The following COL4A1 variants were observed in gnomAD, a reference collection of about 807,000 sequenced individuals.
COL4A1 encodes collagen type IV alpha 1 chain, also known as collagen alpha-1(IV) chain.
A neutral mutation model predicts 216.6 loss-of-function variants in COL4A1; 40 were observed. The observed-to-expected ratio is 0.18, with a 90% CI of 0.14 to 0.24. COL4A1 has a LOEUF of 0.24. Ranked by LOEUF, COL4A1 falls within the 10% of genes least tolerant of loss-of-function variation. The pLI, the probability that COL4A1 is intolerant of heterozygous loss-of-function variation, is 1.00. For synonymous variants in COL4A1, 839 were observed against 810.7 expected (o/e 1.03, Z -0.59); for missense variants, 1,628 against 2,196.8 (o/e 0.74, Z 5.18).
intron 51 of COL4A1, 48 bp from the exon 52 acceptor site, chr13:110,150,492 G>T (rs746000933): frequency 6.4e-7 from 1 of 1,574,344 alleles, no homozygotes. Context: ...CTCACAGCAC[G>T]TCAGAAACAT....
intron 51 of COL4A1, among the ~76,000 whole-genome samples, chr13:110,151,021 G>A (rs897342249): frequency 3.3e-5 from 5 of 152,150 alleles, no homozygotes; most frequent in Non-Finnish European, 7.4e-5. Flanking sequence ...GACATTCAAT[G>A]TCCCAAGTGT....
intron 2 of COL4A1, among the ~76,000 whole-genome samples, chr13:110,236,430 T>C (rs1190181948): frequency 6.6e-6 from 1 of 152,152 alleles, no homozygotes; most frequent in African/African-American, 2.4e-5. Flanking sequence ...AAGTAACAAC[T>C]GAAAAACATG....
intron 22 of COL4A1, 67 bp downstream of exon 22, chr13:110,194,956 T>G: frequency 1.4e-6 from 2 of 1,426,194 alleles, no homozygotes; most frequent in South Asian, 2.3e-5. Context: ...CCAAAGCCGG[T>G]AAGTATGTGG....
intron 15 of COL4A1, among the ~76,000 whole-genome samples, 156 bp downstream of exon 15, chr13:110,206,509 T>A (rs999222346): frequency 6.6e-6 from 1 of 152,232 alleles, no homozygotes; most frequent in African/African-American, 2.4e-5. Flanking sequence ...GCAACTGATA[T>A]AGCTCAGGAG....
intron 1 of COL4A1, among the ~76,000 whole-genome samples, chr13:110,290,908 T>C (rs1594120953): frequency 6.6e-6 from 1 of 152,100 alleles, no homozygotes. Context: ...CAGTGGCCAG[T>C]GAAACTCGGC....
intron 44 of COL4A1, among the ~76,000 whole-genome samples, chr13:110,166,542 C>A (rs533046567): frequency 6.6e-6 from 1 of 152,288 alleles, no homozygotes; most frequent in Admixed American, 6.5e-5. Context: ...CACATATATG[C>A]ACACATAGAC....
rs1435301153 is a variant in COL4A1 at position 110,153,873 on chromosome 13, C to T, written c.4756-1367G>A. Among the ~76,000 whole-genome samples, 4 of 152,238 alleles carry T rather than the reference C, an allele frequency of 2.6e-5. No individual in the cohort carries two copies. The South Asian group carries it at 8.3e-4, about 32-fold the overall frequency. The stretch of plus-strand genomic sequence containing the variant: ...AGAAAAAACCAGTAGAAGGAAATGG[C>T]AATGGTGGGCGCCTCGCACACAGCA... On this transcript the variant is annotated intron_variant, in intron 50 of 51. Transcript: ENST00000375820.
intron 49 of COL4A1, among the ~76,000 whole-genome samples, chr13:110,157,502 T>C (rs1245259590): frequency 6.6e-6 from 1 of 152,210 alleles, no homozygotes; most frequent in Non-Finnish European, 1.5e-5. Flanking sequence ...GAAACCTGCT[T>C]GCTCAGAGAC....
intron 1 of COL4A1, among the ~76,000 whole-genome samples, chr13:110,295,032 A>G (rs558897212): frequency 6.6e-5 from 10 of 152,368 alleles, no homozygotes; most frequent in African/African-American, 2.4e-4. Context: ...CTGTTCATTG[A>G]GCACACTTAA....
At chr13:110,177,116 A>G (rs1877924677) in intron 33 of COL4A1, 79 bp from the exon 34 acceptor site, 2 of 1,595,822 alleles carry the variant, frequency 1.3e-6, no homozygotes, top group Non-Finnish European at 1.7e-6. Flanking sequence ...TCTTGTTGAC[A>G]GGGACAGCAG....
chr13:110,161,782 GAT>G (rs1877098033), intron 48 of COL4A1, among the ~76,000 whole-genome samples: 1 of 152,242 alleles, frequency 6.6e-6, no homozygotes, highest in Admixed American at 6.5e-5. Context: ...AATGAGGACA[GAT>G]ATGTAGCTTT....
intron 10 of COL4A1, 171 bp downstream of exon 10, chr13:110,209,809 G>T: frequency 1.2e-6 from 1 of 828,886 alleles, no homozygotes; most frequent in South Asian, 1.3e-5. Flanking sequence ...TGGGTATATG[G>T]GTACCGGGAT....
chr13:110,241,250 C>T (rs1348795120), intron 2 of COL4A1, among the ~76,000 whole-genome samples: 2 of 152,190 alleles, frequency 1.3e-5, no homozygotes, highest in East Asian at 3.9e-4. Flanking sequence ...GCCGCCAAGG[C>T]CTGCCGGCTG....
At chr13:110,291,675 G>A (rs768965129) in intron 1 of COL4A1, among the ~76,000 whole-genome samples, 1 of 152,238 alleles carries the variant, frequency 6.6e-6, no homozygotes, top group South Asian at 2.1e-4. Flanking sequence ...TCATAAAAGT[G>A]TTCACAGAAA....
intron 1 of COL4A1, among the ~76,000 whole-genome samples, chr13:110,291,393 A>G (rs1270376975): frequency 1.9e-4 from 29 of 152,210 alleles, no homozygotes; most frequent in Admixed American, 1.9e-3. Context: ...GGCTGTCCAC[A>G]GAACTCATCT....
chr13:110,262,040 G>C (rs1882849529), intron 1 of COL4A1, among the ~76,000 whole-genome samples: 1 of 152,240 alleles, frequency 6.6e-6, no homozygotes. Flanking sequence ...GGAGGCCCAT[G>C]CTTCCATCTG....
At position 110,211,640 on chromosome 13, in the gene COL4A1, A is replaced by G; in HGVS notation, c.468+7T>C. On this transcript the variant is annotated splice_region_variant and intron_variant, in intron 8 of 51. Coordinates refer to ENST00000375820, the MANE Select transcript of COL4A1 (RefSeq NM_001845.6). This position sits in a 1 kb window ranked among gnomAD's most constrained non-coding sequence, Gnocchi z 4.3. ...AATCCAATAAAGCAAAATAAAATAA[A>G]ATGTACCTTCATCCCTGGTAAGCCT... The G allele has an allele frequency of 4.3e-6, 7 of 1,611,710 alleles. No individual in the cohort carries two copies. The highest frequency in any genetic ancestry group is 5.9e-6 in the Non-Finnish European group (7 of 1,179,352).
chr13:110,154,898 T>C (rs541572003), intron 50 of COL4A1, among the ~76,000 whole-genome samples: 2 of 152,344 alleles, frequency 1.3e-5, no homozygotes, highest in South Asian at 2.1e-4. Flanking sequence ...AAGCTGCTCA[T>C]ATAGGGAAGC....
intron 2 of COL4A1, among the ~76,000 whole-genome samples, chr13:110,233,230 C>G (rs1351726540): frequency 6.6e-6 from 1 of 152,128 alleles, no homozygotes; most frequent in Non-Finnish European, 1.5e-5. Context: ...ACACTGATCA[C>G]ATGGATTCTC....
Sources: gnomAD v4.1 joint callset for allele counts (sites outside exome capture counted in the v4.1 genomes callset) on GRCh38, gnomAD v4.1.1 for gene constraint, Gnocchi (gnomAD v3.1) non-coding constraint, MANE v1.5 for transcripts, NCBI Gene and HGNC (gene_info 2026-07-23, HGNC 2026-07-21) for gene names.